SPON1: variants seen among roughly 807,000 people sequenced by gnomAD.
The protein encoded by SPON1 is spondin 1, also known as spondin-1.
A neutral mutation model predicts 111.7 loss-of-function variants in SPON1; 52 were observed. That is an observed-to-expected ratio of 0.47 (90% CI 0.37 to 0.59). The LOEUF (loss-of-function observed/expected upper bound fraction) is 0.59. Among genes scored for constraint, SPON1 ranks in the 20% least tolerant of loss-of-function variants. The pLI is 0.00. For missense variants in SPON1, 957 were observed against 1,068.5 expected, an observed-to-expected ratio of 0.90 and a Z score of 1.46; for synonymous variants, 410 against 395.8, an observed-to-expected ratio of 1.04 and a Z score of -0.43.
chr11:14,077,241 C>T (rs573294463), intron 4 of SPON1, among the ~76,000 whole-genome samples: 5 of 152,074 alleles, frequency 3.3e-5, no homozygotes, highest in African/African-American at 4.8e-5. Context: ...GGCTGTCCTC[C>T]GACAGTCAAA....
chr11:14,194,951 G>C (rs559089445), intron 6 of SPON1, among the ~76,000 whole-genome samples: 1 of 152,194 alleles, frequency 6.6e-6, no homozygotes, highest in South Asian at 2.1e-4. Context: ...AAATGCTAGA[G>C]GGGGCAGTCT....
intron 1 of SPON1, among the ~76,000 whole-genome samples, chr11:13,974,651 G>A (rs1848088355): frequency 1.3e-5 from 2 of 152,120 alleles, no homozygotes; most frequent in African/African-American, 4.8e-5. Context: ...AAATAAGGCA[G>A]GCCTTTGTTA....
chr11:14,237,235 T>C (rs1365645980), intron 6 of SPON1, among the ~76,000 whole-genome samples: 1 of 152,090 alleles, frequency 6.6e-6, no homozygotes, highest in Non-Finnish European at 1.5e-5. Flanking sequence ...GCATGGCAAC[T>C]GGGAAAGAGA....
At chr11:14,257,071 G>A (rs1554941295) in intron 10 of SPON1, among the ~76,000 whole-genome samples, 1 of 152,146 alleles carries the variant, frequency 6.6e-6, no homozygotes, top group African/African-American at 2.4e-5. Context: ...ACAATCAGGA[G>A]GGAGCGACAG....
intron 3 of SPON1, among the ~76,000 whole-genome samples, chr11:14,065,783 A>C (rs1265724542): frequency 6.6e-6 from 1 of 152,234 alleles, no homozygotes; most frequent in Admixed American, 6.5e-5. Context: ...CTGACTCAGA[A>C]AAATGCACTT....
intron 3 of SPON1, among the ~76,000 whole-genome samples, chr11:14,049,384 G>A (rs985946763): frequency 2.6e-5 from 4 of 152,084 alleles, no homozygotes; most frequent in Non-Finnish European, 2.9e-5. Context: ...TCCTCCTCAC[G>A]CTGGTATAAG....
At chr11:14,167,134 A>T (rs7350523) in intron 6 of SPON1, among the ~76,000 whole-genome samples, 29,447 of 152,076 alleles carry the variant, frequency 0.19, 2,951 homozygotes, top group Admixed American at 0.25. Flanking sequence ...TTACATAAAT[A>T]TAGACCAAAG....
At chr11:14,022,963 T>G (rs914544743) in intron 2 of SPON1, among the ~76,000 whole-genome samples, 3 of 152,148 alleles carry the variant, frequency 2.0e-5, no homozygotes, top group Non-Finnish European at 4.4e-5. Flanking sequence ...CTAAATTTGT[T>G]CCTCCCTCTT....
At chr11:14,201,735 G>A (rs1848466437) in intron 6 of SPON1, among the ~76,000 whole-genome samples, 1 of 152,036 alleles carries the variant, frequency 6.6e-6, no homozygotes, top group Admixed American at 6.6e-5. Flanking sequence ...ATACAATTGA[G>A]TATATACACA....
chr11:14,191,549 G>A (rs1395684398), intron 6 of SPON1, among the ~76,000 whole-genome samples: 4 of 152,268 alleles, frequency 2.6e-5, no homozygotes, highest in East Asian at 1.9e-4. Flanking sequence ...TAGACAGCAC[G>A]GACTCTGACT....
At chr11:14,229,110 T>C (rs549505448) in intron 6 of SPON1, among the ~76,000 whole-genome samples, 1 of 152,312 alleles carries the variant, frequency 6.6e-6, no homozygotes, top group African/African-American at 2.4e-5. Flanking sequence ...GAATACTTCT[T>C]TGGGTGGCAG....
At chr11:14,260,556 G>A in intron 13 of SPON1, 32 bp from the exon 14 acceptor site, 2 of 1,603,222 alleles carry the variant, frequency 1.2e-6, no homozygotes, top group Non-Finnish European at 1.7e-6. Context: ...AAAGGAACCT[G>A]TTCTCAGTGG....
chr11:14,234,161 A>G (rs1344598774), intron 6 of SPON1, among the ~76,000 whole-genome samples: 1 of 152,198 alleles, frequency 6.6e-6, no homozygotes, highest in Non-Finnish European at 1.5e-5. Flanking sequence ...CTCCAGTCAG[A>G]TCTGGCCTGG....
chr11:14,232,773 C>T (rs1013064893), intron 6 of SPON1, among the ~76,000 whole-genome samples: 1 of 152,232 alleles, frequency 6.6e-6, no homozygotes. Context: ...CAGCCGACTT[C>T]TCAAAAAGCG....
chr11:14,128,958 G>T (rs1196969354), intron 5 of SPON1, among the ~76,000 whole-genome samples: 1 of 152,230 alleles, frequency 6.6e-6, no homozygotes, highest in African/African-American at 2.4e-5. Context: ...TGAGCAGCTG[G>T]GACAGAAGGC....
rs1849287821 is a variant in SPON1, at chr11:14,267,714, G to T, written c.*2027G>T. ...GTTTGCAATGGGGAATTTATAAGAA[G>T]CATCAAGTCTCTTTCTTACCAAAGT... On this transcript the variant is annotated 3_prime_UTR_variant, in exon 16 of 16. Coordinates refer to ENST00000576479, the MANE Select transcript of SPON1 (RefSeq NM_006108.4). 1 of 152,172 alleles carries T rather than the reference G, an allele frequency of 6.6e-6. No homozygotes were observed. The highest frequency in any genetic ancestry group is 1.5e-5 in the Non-Finnish European group (1 of 68,026). 9.4% of individuals were successfully genotyped at this position (152,172 alleles called of 1,614,324 possible).
chr11:14,119,241 T>G (rs1554926271), intron 5 of SPON1, among the ~76,000 whole-genome samples: 1 of 152,086 alleles, frequency 6.6e-6, no homozygotes, highest in African/African-American at 2.4e-5. Flanking sequence ...CTGCAGGTAC[T>G]TCGTGTAGAA....
chr11:14,239,190 A>C (rs1848897530), intron 6 of SPON1, among the ~76,000 whole-genome samples: 2 of 152,164 alleles, frequency 1.3e-5, no homozygotes, highest in South Asian at 2.1e-4. Flanking sequence ...TTGTACCTGC[A>C]ACTGTGTGCT....
chr11:14,111,697 A>G (rs1289995290), intron 5 of SPON1, among the ~76,000 whole-genome samples: 23 of 152,302 alleles, frequency 1.5e-4, no homozygotes, highest in Non-Finnish European at 1.5e-5. Context: ...TGTGCCAGCC[A>G]CTTCATTCCT....
Sources: gnomAD v4.1 joint callset for allele counts (sites outside exome capture counted in the v4.1 genomes callset) on GRCh38, gnomAD v4.1.1 for gene constraint, MANE v1.5 for transcripts, NCBI Gene and HGNC (gene_info 2026-07-23, HGNC 2026-07-21) for gene names.